The following FHDC1 variants were observed in gnomAD, a reference collection of about 807,000 sequenced individuals.
The protein encoded by FHDC1 is FH2 domain-containing protein 1.
A neutral mutation model predicts 52.6 loss-of-function variants in FHDC1; 25 were observed. That is an observed-to-expected ratio of 0.48 (90% confidence interval 0.35 to 0.66). FHDC1 has a LOEUF of 0.66. FHDC1 is among the 30% of genes least tolerant of loss of function. The pLI, the probability that FHDC1 is intolerant of heterozygous loss-of-function variation, is 0.01. For synonymous variants in FHDC1, 616 were observed against 581.5 expected (o/e 1.06, Z -0.85); for missense variants, 1,459 against 1,452.8 (o/e 1.00, Z -0.07).
At chr4:152,950,996 A>G in intron 2 of FHDC1, among the ~76,000 whole-genome samples, 1 of 152,194 alleles carries the variant, frequency 6.6e-6, no homozygotes, top group Non-Finnish European at 1.5e-5. Flanking sequence ...CTTTTCCTGC[A>G]GCAATGTCTC....
At chr4:152,926,299 CACACAA>C in the FHDC1 span, among the ~76,000 whole-genome samples, 95 of 135,720 alleles carry the variant, frequency 7.0e-4, no homozygotes, top group African/African-American at 2.3e-3. Context: ...CACACACACA[CACACAA>C]ACAATACACA....
chr4:152,958,210 C>T (rs1740166603), intron 4 of FHDC1, among the ~76,000 whole-genome samples: 1 of 152,136 alleles, frequency 6.6e-6, no homozygotes, highest in South Asian at 2.1e-4. Context: ...AAGGAGCCTG[C>T]TCTCACTGTT....
chr4:152,934,447 T>C (rs1277496090), upstream of FHDC1, among the ~76,000 whole-genome samples: 1 of 152,182 alleles, frequency 6.6e-6, no homozygotes, highest in Non-Finnish European at 1.5e-5. Context: ...AACCCGGAGA[T>C]ATACCTTGAA....
intron 10 of FHDC1, 29 bp downstream of exon 10, chr4:152,968,126 T>C (rs1222439957): frequency 6.5e-7 from 1 of 1,529,882 alleles, no homozygotes; most frequent in African/African-American, 1.4e-5. Flanking sequence ...TCAGTCCCTC[T>C]AATCTCATCT....
rs1256698602 is a variant in FHDC1, at chr4:152,949,109, TAATAATAATAATAATAAGAAGAAGAAG to T, written c.499-4387_499-4361del. Among the ~76,000 whole-genome samples, 28 of 75,066 alleles carry T rather than the reference TAATAATAATAATAATAAGAAGAAGAAG, an allele frequency of 3.7e-4. No individual in the cohort carries two copies. The South Asian group carries it at 6.6e-3, about 18-fold the overall frequency. 49.2% of individuals were successfully genotyped at this position (75,066 alleles called of 152,430 possible). A position where few individuals can be genotyped will look rare whatever the true frequency, so the allele number is the denominator to read the frequency against. ...GTCTCAGTAATAATAATAATAATAA[TAATAATAATAATAATAAGAAGAAGAAG>T]AAGAAGAAGAAGAAGAAGAAGAAGA... On this transcript the variant is annotated intron_variant, in intron 2 of 11. Coordinates refer to ENST00000511601, the MANE Select transcript of FHDC1 (RefSeq NM_001371116.1).
At chr4:152,919,975 A>G in the FHDC1 span, among the ~76,000 whole-genome samples, 1 of 94,196 alleles carries the variant, frequency 1.1e-5, no homozygotes, top group Non-Finnish European at 1.9e-5. Flanking sequence ...TTTTTTGGAG[A>G]CTCTCTGTGT....
chr4:152,972,985 C>T (rs1740686674), intron 11 of FHDC1, among the ~76,000 whole-genome samples: 1 of 152,204 alleles, frequency 6.6e-6, no homozygotes, highest in Admixed American at 6.5e-5. Context: ...CTTCCAAGCT[C>T]TGCTGCCGTC....
chr4:152,928,278 A>T, the FHDC1 span: 1 of 599,964 alleles, frequency 1.7e-6, no homozygotes, highest in Non-Finnish European at 3.0e-6. Context: ...CCTTACAGGC[A>T]TTATGTCCCT....
rs116198901 is a variant in FHDC1 at position 152,943,368 on chromosome 4, C to T, written c.311C>T (p.Thr104Ile). ...KKRMRSFFWK[T>I]IPEEQVRGKT... Reference sequence around the variant, plus strand: ...CGGATGAGAAGCTTTTTTTGGAAAACTATTCCGGAGGAGCAAGTTCGAGGC... The same window carrying T: ...CGGATGAGAAGCTTTTTTTGGAAAATTATTCCGGAGGAGCAAGTTCGAGGC... Residue 104 changes from threonine to isoleucine, a missense_variant, in exon 2 of 12, where the codon ACT becomes ATT. Coordinates refer to ENST00000511601, the MANE Select transcript of FHDC1 (RefSeq NM_001371116.1). 399 of 1,597,982 alleles carry T rather than the reference C, an allele frequency of 2.5e-4. 2 individuals are homozygous for T. The African/African-American group carries it at 4.8e-3, about 19-fold the overall frequency.
At chr4:152,960,929 TGGAAA>T in intron 6 of FHDC1, 85 bp downstream of exon 6, 1 of 938,974 alleles carries the variant, frequency 1.1e-6, no homozygotes, top group Non-Finnish European at 1.6e-6. Context: ...AAATTGGACA[TGGAAA>T]GTCCTGAATT....
chr4:152,958,444 A>G (rs189146027), intron 4 of FHDC1, among the ~76,000 whole-genome samples: 3 of 152,358 alleles, frequency 2.0e-5, no homozygotes, highest in Non-Finnish European at 4.4e-5. Context: ...AGAACTGTAT[A>G]CATGGCATTT....
At chr4:152,920,862 A>C in the FHDC1 span, among the ~76,000 whole-genome samples, 4 of 151,948 alleles carry the variant, frequency 2.6e-5, no homozygotes, top group Non-Finnish European at 5.9e-5. Flanking sequence ...TTAAAAAAAA[A>C]AACCCAATCT....
intron 2 of FHDC1, 143 bp from the exon 3 acceptor site, chr4:152,953,356 T>C (rs1225384311): frequency 1.6e-6 from 1 of 633,358 alleles, no homozygotes; most frequent in East Asian, 2.7e-5. Flanking sequence ...ATGTTAGGAA[T>C]ATCTGTTAAT....
intron 9 of FHDC1, among the ~76,000 whole-genome samples, chr4:152,966,681 C>G (rs1304509832): frequency 6.6e-6 from 1 of 152,104 alleles, no homozygotes; most frequent in Non-Finnish European, 1.5e-5. Flanking sequence ...AGGCTGGTCT[C>G]GAACTTCTGA....
At chr4:152,922,699 C>T in the FHDC1 span, among the ~76,000 whole-genome samples, 225 of 152,184 alleles carry the variant, frequency 1.5e-3, 1 homozygote, top group Admixed American at 2.0e-3. Context: ...AAGGCTGGTT[C>T]AATATACGCA....
In FHDC1 at chr4:152,972,472, A is replaced by C. The variant is rs750431915; in HGVS notation, c.1314A>C (p.Lys438Asn). The C allele has an allele frequency of 1.9e-6, 3 of 1,613,952 alleles. No homozygotes were observed. The highest frequency in any genetic ancestry group is 2.5e-6 in the Non-Finnish European group (3 of 1,180,020). The change falls in exon 11 of 12, where the codon AAA becomes AAC. Residue 438 changes from lysine to asparagine, a missense_variant. Transcript: ENST00000511601. ...TAGATTTTTTCTGTGAAGACAAAAA[A>C]ACCATGAAACTGGATGAATGCTTTC... Reference protein sequence around the residue: ...TLIDFFCEDKKTMKLDECFQI... With the variant: ...TLIDFFCEDKNTMKLDECFQI...
intron 6 of FHDC1, among the ~76,000 whole-genome samples, chr4:152,961,708 C>T (rs558228003): frequency 3.9e-5 from 6 of 152,200 alleles, no homozygotes; most frequent in Non-Finnish European, 5.9e-5. Flanking sequence ...ATTTGGTTTT[C>T]CTGTTTACTT....
intron 1 of FHDC1, among the ~76,000 whole-genome samples, chr4:152,936,801 C>T (rs1269352949): frequency 5.3e-5 from 8 of 152,242 alleles, no homozygotes; most frequent in African/African-American, 1.4e-4. Flanking sequence ...TCAACCGCCC[C>T]CTAGTTTATC....
Position 152,976,440 on chromosome 4 carries a change from A to G in FHDC1, c.3149A>G (p.Asp1050Gly). 1 of 1,613,672 alleles carries G rather than the reference A, an allele frequency of 6.2e-7. No homozygotes were observed. The highest frequency in any genetic ancestry group is 8.5e-7 in the Non-Finnish European group (1 of 1,180,020). The change falls in exon 12 of 12, where the codon GAT (aspartate) becomes GGT (glycine). Residue 1050 changes from aspartate (D) to glycine (G), a missense_variant. By Grantham distance (94) the Asp-to-Gly change is moderately conservative. Transcript: ENST00000511601. The part of the protein sequence containing the change: ...VASSSRSMRT[D>G]LPPVAKAPGI... ...TCCTCCTCTCGAAGCATGAGAACAGATCTTCCTCCCGTGGCCAAAGCCCCC... is the reference window on the plus strand; with the variant it reads ...TCCTCCTCTCGAAGCATGAGAACAGGTCTTCCTCCCGTGGCCAAAGCCCCC...
Sources: allele counts gnomAD v4.1 joint callset (sites outside exome capture counted in the v4.1 genomes callset), GRCh38; gene constraint gnomAD v4.1.1; transcripts MANE v1.5; gene names NCBI Gene and HGNC (gene_info 2026-07-23, HGNC 2026-07-21).